The following OR6P1 variants were observed in gnomAD, a reference collection of about 807,000 sequenced individuals.
The protein encoded by OR6P1 is olfactory receptor 6P1.
In OR6P1, 5 loss-of-function variants were observed where a neutral mutation model predicts 6.6. The ratio of observed to expected loss-of-function variants is 0.76; its 90% CI spans 0.40 to 1.60. The LOEUF is 1.60. Among genes scored for constraint, OR6P1 ranks in the 40% most tolerant of loss-of-function variants. The pLI is 0.02. For missense variants in OR6P1, 451 were observed against 383.0 expected (o/e 1.18, Z -1.48); for synonymous variants, 177 against 149.6 (o/e 1.18, Z -1.33).
intron 1 of OR6P1, among the ~76,000 whole-genome samples, chr1:158,569,823 A>G (rs1373747168): frequency 1.3e-5 from 2 of 152,158 alleles, no homozygotes; most frequent in Non-Finnish European, 2.9e-5. Context: ...CTATGCAGGT[A>G]TGGTGGGAAA....
chr1:158,563,592 T>A lies in OR6P1; in HGVS notation c.13A>T (p.Ser5Cys). Residue 5 changes from serine to cysteine, a missense_variant, in exon 3 of 3, where the codon AGT (serine) becomes TGT (cysteine). Transcript: ENST00000641540. The part of the protein sequence containing the change: MRNL[S>C]GGHVEEFVLV... ...ACAAACTCCTCGACATGGCCTCCAC[T>A]CAAATTTCTCATGGCTCTCTGTCCA... The A allele has an allele frequency of 6.5e-7, 1 of 1,538,774 alleles. No homozygotes were observed. Among genetic ancestry groups the A allele is most frequent in the South Asian group, 1.2e-5 (1 of 81,852 alleles).
rs371436948 is a variant in OR6P1 at position 158,566,201 on chromosome 1, AG to A, written c.-23+562del. ...TAGCAGATCAATTTTAAGAGCTCTT[AG>A]AGGAGTTGAAGATGAGAGAATCAGT... is the stretch of plus-strand genomic sequence containing the variant. On this transcript the variant is annotated intron_variant, in intron 2 of 2. Transcript: ENST00000641540. Among the ~76,000 whole-genome samples the A allele has an allele frequency of 3.9e-3, 597 of 152,316 alleles. 3 individuals carry two copies. The highest frequency in any genetic ancestry group is 0.014 in the African/African-American group (564 of 41,570).
At chr1:158,568,744 T>C (rs1436705341) in intron 1 of OR6P1, among the ~76,000 whole-genome samples, 8 of 152,294 alleles carry the variant, frequency 5.3e-5, no homozygotes, top group Admixed American at 5.2e-4. Flanking sequence ...TTACCTCTGG[T>C]CTTTTGCACA....
intron 1 of OR6P1, among the ~76,000 whole-genome samples, chr1:158,567,302 C>A (rs889681121): frequency 6.6e-6 from 1 of 151,802 alleles, no homozygotes; most frequent in Non-Finnish European, 1.5e-5. Flanking sequence ...GGGTATATAC[C>A]CAAAGGACTA....
intron 1 of OR6P1, among the ~76,000 whole-genome samples, chr1:158,568,271 C>T (rs771714211): frequency 2.6e-5 from 4 of 152,146 alleles, no homozygotes; most frequent in South Asian, 2.1e-4. Flanking sequence ...GCACTGTGCC[C>T]ACTGAACTCT....
At chr1:158,565,155 G>A (rs1418877760) in intron 2 of OR6P1, among the ~76,000 whole-genome samples, 32 of 152,152 alleles carry the variant, frequency 2.1e-4, no homozygotes, top group Admixed American at 2.1e-3. Flanking sequence ...TTTCACTTCA[G>A]CCTCCTGTGT....
chr1:158,563,128 C>G lies in OR6P1; in HGVS notation c.477G>C (p.Lys159Asn). ...WGSGFFSSMM[K>N]LLFISQLSYC... ...AGGACAATTGGGAAATAAAAAGAAGCTTCATCATGGAGCTGAAGAAGCCAC... is the reference window on the plus strand; with the variant it reads ...AGGACAATTGGGAAATAAAAAGAAGGTTCATCATGGAGCTGAAGAAGCCAC... Residue 159 changes from lysine (K) to asparagine (N), a missense_variant, in exon 3 of 3, where the codon AAG becomes AAC. Coordinates refer to ENST00000641540, the MANE Select transcript of OR6P1 (RefSeq NM_001160325.2). 1 of 1,551,612 alleles carries G rather than the reference C, an allele frequency of 6.4e-7. No homozygotes were observed.
chr1:158,565,269 C>T (rs1648067690), intron 2 of OR6P1, among the ~76,000 whole-genome samples: 1 of 152,042 alleles, frequency 6.6e-6, no homozygotes, highest in South Asian at 2.1e-4. Context: ...TTAAATGAAA[C>T]TATTAGATTA....
chr1:158,565,604 A>G (rs1256763582), intron 2 of OR6P1, among the ~76,000 whole-genome samples: 1 of 152,058 alleles, frequency 6.6e-6, no homozygotes, highest in African/African-American at 2.4e-5. Context: ...ATATAAATAT[A>G]TAAAACATCT....
chr1:158,561,717 C>A lies in OR6P1; in HGVS notation c.*934G>T, dbSNP rs1443970256. 6.6e-6 allele frequency: 1 copy of A among 152,168 alleles called. No individual in the cohort carries two copies. The highest frequency in any genetic ancestry group is 1.5e-5 in the Non-Finnish European group (1 of 68,020). 9.4% of individuals were successfully genotyped at this position (152,168 alleles called of 1,614,324 possible). On this transcript the variant is annotated 3_prime_UTR_variant, in exon 3 of 3. Coordinates refer to ENST00000641540, the MANE Select transcript of OR6P1 (RefSeq NM_001160325.2). ...GAATACCTATGATTCAGGCTATGAA[C>A]CTGAGACATCCCAATTGCCATAGAG...
At position 158,567,372 on chromosome 1, in the gene OR6P1, T is replaced by G. The variant is rs1461780118; in HGVS notation, c.-117-514A>C. Among the ~76,000 whole-genome samples the G allele has an allele frequency of 3.3e-5, 5 of 150,592 alleles. No homozygotes were observed. In the East Asian group the frequency reaches 5.9e-4, roughly 18 times the overall value. ...GTGTTTATTGCGGCACTATTCACAA[T>G]AGCAAAGACTTGGAACCAACCCAAA... On this transcript the variant is annotated intron_variant, in intron 1 of 2. Transcript: ENST00000641540.
rs966083716 is a variant in OR6P1, at chr1:158,562,153, A to G, written c.*498T>C. 1.3e-5 allele frequency: 2 copies of G among 157,246 alleles called. No individual in the cohort carries two copies. Among genetic ancestry groups the G allele is most frequent in the African/African-American group, 4.8e-5 (2 of 41,476 alleles). 9.7% of individuals were successfully genotyped at this position (157,246 alleles called of 1,614,324 possible). A position where few individuals can be genotyped will look rare whatever the true frequency, so the allele number is the denominator to read the frequency against. On this transcript the variant is annotated 3_prime_UTR_variant, in exon 3 of 3. Coordinates refer to ENST00000641540, the MANE Select transcript of OR6P1 (RefSeq NM_001160325.2). The stretch of plus-strand genomic sequence containing the variant: ...GTATAACCTACTTGTGTAGTTTCTT[A>G]TGAAAGTGGGATTTGAGAATCTGGA...
rs183407433 is a variant in OR6P1, at chr1:158,568,502, T to C, written c.-117-1644A>G. ...AACTTAGATTCCAAGTAATAATTAA[T>C]GGGGAACACCTTGAAGAATTCTCCT... On this transcript the variant is annotated intron_variant, in intron 1 of 2. Transcript: ENST00000641540. 2.8e-3 allele frequency among the ~76,000 whole-genome samples: 424 copies of C among 152,292 alleles called. 4 individuals carry two copies. Among genetic ancestry groups the C allele is most frequent in the Middle Eastern group, 0.01 (3 of 294 alleles).
In OR6P1 at chr1:158,562,563, T is replaced by G. The variant is rs184375863; in HGVS notation, c.*88A>C. ...TTAGAGAAAATGTTGGCAAATTATA[T>G]TTATGTTCCCTTAAAGCCTATTCTG... On this transcript the variant is annotated 3_prime_UTR_variant, in exon 3 of 3. Coordinates refer to ENST00000641540, the MANE Select transcript of OR6P1 (RefSeq NM_001160325.2). The G allele has an allele frequency of 1.1e-3, 786 of 739,116 alleles. 9 individuals are homozygous for G. Among genetic ancestry groups the G allele is most frequent in the Middle Eastern group, 0.011 (30 of 2,856 alleles). The allele number at this position is 739,116 out of a possible 1,614,324, so 45.8% of individuals were successfully genotyped here. A position where few individuals can be genotyped will look rare whatever the true frequency, so the allele number is the denominator to read the frequency against.
intron 1 of OR6P1, among the ~76,000 whole-genome samples, chr1:158,570,055 A>T (rs1648201163): frequency 6.6e-6 from 1 of 152,228 alleles, no homozygotes; most frequent in Admixed American, 6.5e-5. Flanking sequence ...GCCTTAGGGC[A>T]AGGGAAGTGC....
intron 1 of OR6P1, among the ~76,000 whole-genome samples, chr1:158,567,247 G>A (rs1164036450): frequency 2.0e-5 from 3 of 151,976 alleles, no homozygotes; most frequent in Non-Finnish European, 4.4e-5. Context: ...GATTCCTCAG[G>A]GATCTAGAAC....
At chr1:158,563,836 G>T (rs1400920222) in intron 2 of OR6P1, among the ~76,000 whole-genome samples, 2 of 152,028 alleles carry the variant, frequency 1.3e-5, no homozygotes, top group African/African-American at 4.8e-5. Flanking sequence ...AACTACAGTG[G>T]GTATTTGATA....
In OR6P1 at chr1:158,563,517, G is replaced by T. The variant is rs954609147; in HGVS notation, c.88C>A (p.Leu30Ile). ...TPPLQLLLFV[L>I]FFAIYLLTLL... is the part of the protein sequence containing the mutation. Reference sequence around the variant, plus strand: ...GTCAGAAGGTAAATTGCAAAAAAAAGGACAAAGAGGAGCAGCTGGAGGGGA... The same window carrying T: ...GTCAGAAGGTAAATTGCAAAAAAAATGACAAAGAGGAGCAGCTGGAGGGGA... The change falls in exon 3 of 3, where the codon CTT becomes ATT. Residue 30 changes from leucine (L) to isoleucine (I), a missense_variant. Physicochemically the swap from Leu to Ile is conservative, Grantham distance 5. Transcript: ENST00000641540. The T allele has an allele frequency of 1.3e-6, 2 of 1,550,904 alleles. No homozygotes were observed. Among genetic ancestry groups the T allele is most frequent in the Admixed American group, 2.0e-5 (1 of 50,868 alleles).
chr1:158,567,080 A>T (rs1303495322), intron 1 of OR6P1, among the ~76,000 whole-genome samples: 2 of 151,848 alleles, frequency 1.3e-5, no homozygotes, highest in Non-Finnish European at 2.9e-5. Flanking sequence ...AATGCAAATC[A>T]AAACCACAAT....
Sources: gnomAD v4.1 joint callset for allele counts (sites outside exome capture counted in the v4.1 genomes callset) on GRCh38, gnomAD v4.1.1 for gene constraint, MANE v1.5 for transcripts, NCBI Gene and HGNC (gene_info 2026-07-23, HGNC 2026-07-21) for gene names.